Variants in ADAM18 observed in about 807,000 individuals in gnomAD.
ADAM18 encodes the protein disintegrin and metalloproteinase domain-containing protein 18.
Under a neutral mutation model 94.4 loss-of-function variants are expected in ADAM18, and 117 were observed. The observed-to-expected ratio is 1.24, with a 90% CI of 1.07 to 1.45. The LOEUF (loss-of-function observed/expected upper bound fraction) is 1.45, where lower values mean the gene tolerates loss of function less well. ADAM18 is among the 40% of genes most tolerant of loss of function. The probability of loss-of-function intolerance (pLI) is 0.00; values close to 1 mark genes in which losing one functional copy is unlikely to be tolerated. For missense variants in ADAM18, 936 were observed against 880.0 expected (o/e 1.06, Z -0.81); for synonymous variants, 327 against 291.6 (o/e 1.12, Z -1.24).
intron 2 of ADAM18, among the ~76,000 whole-genome samples, chr8:39,596,144 G>A (rs1312496554): frequency 4.6e-5 from 7 of 152,128 alleles, no homozygotes; most frequent in African/African-American, 1.7e-4. Flanking sequence ...CGGCCTCGCT[G>A]ACTATCAGAT....
intron 2 of ADAM18, among the ~76,000 whole-genome samples, chr8:39,590,741 T>C (rs4440596): frequency 0.91 from 138,580 of 152,220 alleles, 63,266 homozygotes; most frequent in Middle Eastern, 0.98. Context: ...TGATAAATAA[T>C]ACATATATCT....
intron 14 of ADAM18, among the ~76,000 whole-genome samples, chr8:39,673,993 C>G (rs747431172): frequency 6.6e-6 from 1 of 151,976 alleles, no homozygotes; most frequent in Non-Finnish European, 1.5e-5. Context: ...AGAGACAGTT[C>G]GTTGTGATTT....
At chr8:39,614,095 A>G (rs1222482410) in intron 6 of ADAM18, among the ~76,000 whole-genome samples, 1 of 152,204 alleles carries the variant, frequency 6.6e-6, no homozygotes, top group Non-Finnish European at 1.5e-5. Context: ...TTTACTAGAA[A>G]GGTTATCATC....
chr8:39,692,003 G>C (rs1489153179), intron 16 of ADAM18, among the ~76,000 whole-genome samples: 1 of 151,700 alleles, frequency 6.6e-6, no homozygotes, highest in Non-Finnish European at 1.5e-5. Context: ...AAATAAAAAA[G>C]AAGCTTGCAA....
intron 18 of ADAM18, among the ~76,000 whole-genome samples, chr8:39,714,192 GA>G (rs1822503598): frequency 6.6e-6 from 1 of 152,080 alleles, no homozygotes; most frequent in Non-Finnish European, 1.5e-5. Flanking sequence ...TCACAGGACA[GA>G]AAACCAAGCA....
At position 39,668,033 on chromosome 8, in the gene ADAM18, T is replaced by A. The variant is rs1821038643; in HGVS notation, c.1362T>A (p.Ile454=). ...SIAGTPCRKS[I]DPECDFTEYC... ...CAGGCACTCCATGTAGAAAGAGTAT[T>A]GATCCAGAGTGTGATTTTACAGAGT... Residue 454 remains isoleucine, a synonymous_variant, in exon 14 of 20, where the codon ATT becomes ATA. Coordinates refer to ENST00000265707, the MANE Select transcript of ADAM18 (RefSeq NM_014237.3). 1 of 1,614,098 alleles carries A rather than the reference T, an allele frequency of 6.2e-7. No homozygotes were observed. The highest frequency in any genetic ancestry group is 8.5e-7 in the Non-Finnish European group (1 of 1,179,972).
intron 3 of ADAM18, among the ~76,000 whole-genome samples, chr8:39,608,220 A>G (rs891014950): frequency 5.9e-5 from 9 of 152,056 alleles, no homozygotes; most frequent in Non-Finnish European, 2.9e-5. Flanking sequence ...TATATCCAGA[A>G]TTAGACCTAC....
At chr8:39,658,892 C>T (rs1005458993) in intron 12 of ADAM18, among the ~76,000 whole-genome samples, 11 of 152,134 alleles carry the variant, frequency 7.2e-5, no homozygotes, top group Non-Finnish European at 1.3e-4. Flanking sequence ...TGTGCTATTA[C>T]AACTTTTCTT....
intron 3 of ADAM18, among the ~76,000 whole-genome samples, chr8:39,607,346 C>T (rs1158953210): frequency 1.3e-5 from 2 of 152,114 alleles, no homozygotes; most frequent in Non-Finnish European, 2.9e-5. Context: ...ATAAAGTAGC[C>T]TCTTCTCTGT....
At chr8:39,610,990 G>C in intron 6 of ADAM18, 1 of 1,174,604 alleles carries the variant, frequency 8.5e-7, no homozygotes, top group Non-Finnish European at 1.1e-6. Context: ...CAGAGTCACT[G>C]TTATTCTAGT....
intron 16 of ADAM18, among the ~76,000 whole-genome samples, chr8:39,691,232 A>G (rs1314306719): frequency 6.6e-6 from 1 of 152,192 alleles, no homozygotes; most frequent in East Asian, 1.9e-4. Flanking sequence ...GTGTATATCA[A>G]TTAATGTAAT....
At chr8:39,638,415 T>C in intron 9 of ADAM18, 50 bp from the exon 10 acceptor site, 1 of 1,280,410 alleles carries the variant, frequency 7.8e-7, no homozygotes, top group Non-Finnish European at 1.1e-6. Flanking sequence ...ATACATAAGC[T>C]TACAAATTGT....
At chr8:39,584,785 G>A in intron 1 of ADAM18, 108 bp downstream of exon 1, 1 of 1,304,326 alleles carries the variant, frequency 7.7e-7, no homozygotes, top group Non-Finnish European at 1.1e-6. Flanking sequence ...TCCCTTCTGG[G>A]ATCCCATGCT....
intron 18 of ADAM18, among the ~76,000 whole-genome samples, chr8:39,714,642 G>A (rs983293433): frequency 8.5e-5 from 13 of 152,112 alleles, no homozygotes; most frequent in African/African-American, 1.4e-4. Flanking sequence ...AGAACTTCTA[G>A]GACAAATAGA....
intron 19 of ADAM18, among the ~76,000 whole-genome samples, chr8:39,729,183 C>T (rs1823004192): frequency 2.0e-5 from 3 of 152,038 alleles, no homozygotes; most frequent in African/African-American, 7.3e-5. Flanking sequence ...TTGTTGAATA[C>T]ATATTATTCA....
chr8:39,601,311 G>A (rs1173160522), intron 2 of ADAM18, among the ~76,000 whole-genome samples: 1 of 152,230 alleles, frequency 6.6e-6, no homozygotes, highest in Non-Finnish European at 1.5e-5. Context: ...CAGGGGCCAG[G>A]TGGTGGCACT....
intron 17 of ADAM18, among the ~76,000 whole-genome samples, chr8:39,699,514 A>G (rs1025583608): frequency 2.6e-5 from 4 of 152,134 alleles, no homozygotes; most frequent in Admixed American, 2.6e-4. Flanking sequence ...TTAATACACA[A>G]GTGAGATGTG....
intron 12 of ADAM18, among the ~76,000 whole-genome samples, 197 bp from the exon 13 acceptor site, chr8:39,663,598 C>CAAAAAAAAAAAAAAAAA (rs10597769): frequency 1.2e-3 from 23 of 19,592 alleles, no homozygotes; most frequent in South Asian, 2.3e-3. Flanking sequence ...AATCCTGTCT[C>CAAAAAAAAAAAAAAAAA]AAAAAAAAAA....
rs1451738 is a variant in ADAM18 at position 39,645,592 on chromosome 8, G to C, written c.1046+118G>C. 9.9e-3 allele frequency: 9,775 copies of C among 984,288 alleles called. 605 individuals carry two copies. The African/African-American group carries it at 0.13, about 13-fold the overall frequency. 61.0% of individuals were successfully genotyped at this position (984,288 alleles called of 1,614,324 possible). A position where few individuals can be genotyped will look rare whatever the true frequency, so the allele number is the denominator to read the frequency against. On this transcript the variant is annotated intron_variant, in intron 11 of 19. Coordinates refer to ENST00000265707, the MANE Select transcript of ADAM18 (RefSeq NM_014237.3). ...ATCAATGGCTAGAAAGTTACATCATGCTTGTAAAGTTATCACACAAAAATT... is the reference window on the plus strand; with the variant it reads ...ATCAATGGCTAGAAAGTTACATCATCCTTGTAAAGTTATCACACAAAAATT...
Sources: allele counts gnomAD v4.1 joint callset (sites outside exome capture counted in the v4.1 genomes callset), GRCh38; gene constraint gnomAD v4.1.1; transcripts MANE v1.5; gene names NCBI Gene and HGNC (gene_info 2026-07-23, HGNC 2026-07-21).